The following PGR variants were observed in gnomAD, a reference collection of about 807,000 sequenced individuals.
PGR encodes the protein progesterone receptor, also known as nuclear receptor subfamily 3 group C member 3.
In PGR, 25 loss-of-function variants were observed where a neutral mutation model predicts 76.1. The observed-to-expected ratio is 0.33, with a 90% CI of 0.24 to 0.46. PGR has a LOEUF of 0.46. PGR is among the 20% of genes least tolerant of loss of function. PGR has a pLI of 1.00. For synonymous variants in PGR, 579 were observed against 535.0 expected (o/e 1.08, Z -1.14); for missense variants, 1,172 against 1,225.3 (o/e 0.96, Z 0.65).
At chr11:101,043,607 T>G in intron 6 of PGR, among the ~76,000 whole-genome samples, 1 of 152,210 alleles carries the variant, frequency 6.6e-6, no homozygotes, top group Non-Finnish European at 1.5e-5. Context: ...AAACACTATC[T>G]ATGGCAGCCA....
rs1044672591 is a variant in PGR at position 101,036,648 on chromosome 11, A to G, written c.*2468T>C. The G allele has an allele frequency of 5.0e-6, 1 of 199,518 alleles. No homozygotes were observed. The highest frequency in any genetic ancestry group is 2.3e-5 in the African/African-American group (1 of 43,456). The allele number at this position is 199,518 out of a possible 1,614,324, so 12.4% of individuals were successfully genotyped here. On this transcript the variant is annotated 3_prime_UTR_variant, in exon 8 of 8. Transcript: ENST00000325455. Reference sequence around the variant, plus strand: ...CATATTCTTTTTAAAAAGGTACTTTATTTTTAAAGCTTAGCCTTAAATATT... The same window carrying G: ...CATATTCTTTTTAAAAAGGTACTTTGTTTTTAAAGCTTAGCCTTAAATATT...
intron 2 of PGR, among the ~76,000 whole-genome samples, chr11:101,114,238 T>C (rs1421771699): frequency 6.6e-6 from 1 of 152,230 alleles, no homozygotes; most frequent in East Asian, 1.9e-4. Context: ...ATTACCAGAC[T>C]GCATTTCTGC....
intron 2 of PGR, among the ~76,000 whole-genome samples, chr11:101,106,558 G>C (rs1413826905): frequency 6.6e-6 from 1 of 152,176 alleles, no homozygotes; most frequent in Non-Finnish European, 1.5e-5. Flanking sequence ...TAAAAAGTCA[G>C]GAAACAACAG....
rs932079669 is a variant in PGR, at chr11:101,034,165, T to A, written c.*4951A>T. 8.8e-6 allele frequency: 2 copies of A among 226,726 alleles called. No individual in the cohort carries two copies. The highest frequency in any genetic ancestry group is 4.4e-5 in the African/African-American group (2 of 44,972). 14.0% of individuals were successfully genotyped at this position (226,726 alleles called of 1,614,324 possible). A position where few individuals can be genotyped will look rare whatever the true frequency, so the allele number is the denominator to read the frequency against. On this transcript the variant is annotated 3_prime_UTR_variant, in exon 8 of 8. Coordinates refer to ENST00000325455, the MANE Select transcript of PGR (RefSeq NM_000926.4). ...GCTTAAAAATAATGCCTCTCCCATG[T>A]CTCCATGAGTGGAAAAAAAGCAAAC... is the stretch of plus-strand genomic sequence containing the variant.
At chr11:101,112,601 G>A (rs1212232084) in intron 2 of PGR, among the ~76,000 whole-genome samples, 1 of 152,166 alleles carries the variant, frequency 6.6e-6, no homozygotes, top group East Asian at 1.9e-4. Flanking sequence ...GTGCTGGCAG[G>A]CTGAGAAGAG....
chr11:101,033,729 AG>A lies in PGR; in HGVS notation c.*5386del, dbSNP rs1859423267. 1 of 205,330 alleles carries A rather than the reference AG, an allele frequency of 4.9e-6. No homozygotes were observed. Among genetic ancestry groups the A allele is most frequent in the Non-Finnish European group, 1.0e-5 (1 of 100,500 alleles). 12.7% of individuals were successfully genotyped at this position (205,330 alleles called of 1,614,324 possible). A position where few individuals can be genotyped will look rare whatever the true frequency, so the allele number is the denominator to read the frequency against. ...ATAAAAGGTATTTTTAGTGGCAAAA[AG>A]CTTGAAACCACTGCTGTCTAAAATA... is the stretch of plus-strand genomic sequence containing the variant. On this transcript the variant is annotated 3_prime_UTR_variant, in exon 8 of 8. Transcript: ENST00000325455.
chr11:101,128,712 G>A lies in PGR; in HGVS notation c.359C>T (p.Ala120Val), dbSNP rs11571144. 846 of 1,609,332 alleles carry A rather than the reference G, an allele frequency of 5.3e-4. 12 individuals are homozygous for A. In the African/African-American group the frequency reaches 0.01, roughly 19 times the overall value. Residue 120 changes from alanine to valine, a missense_variant, in exon 1 of 8, where the codon GCG becomes GTG. Around this residue, in one of 4 missense-constraint regions of PGR, gnomAD observed 893 missense variants for 785.9 expected, o/e 1.14. Coordinates refer to ENST00000325455, the MANE Select transcript of PGR (RefSeq NM_000926.4). ...LLDSVLDTLL[A>V]PSGPGQSQPS... Reference sequence around the variant, plus strand: ...TTGGCTCTGCCCGGGACCTGAGGGCGCCAACAGAGTGTCCAAGACACTGTC... The same window carrying A: ...TTGGCTCTGCCCGGGACCTGAGGGCACCAACAGAGTGTCCAAGACACTGTC...
chr11:101,083,897 G>T (rs566853612), intron 3 of PGR, among the ~76,000 whole-genome samples: 5 of 152,148 alleles, frequency 3.3e-5, no homozygotes, highest in Non-Finnish European at 5.9e-5. Context: ...GACTTTGGGG[G>T]ACTGTTGGGA....
At position 101,127,472 on chromosome 11, in the gene PGR, G is replaced by A. The variant is rs760525359; in HGVS notation, c.1599C>T (p.Gly533=). ...LGYQAAVLKE[G]LPQVYPPYLN... ...GATAGGGCGGGTAGACCTGCGGCAG[G>A]CCCTCCTTGAGCACGGCGGCCTGGT... Residue 533 remains glycine, a synonymous_variant, in exon 1 of 8, where the codon GGC becomes GGT. Coordinates refer to ENST00000325455, the MANE Select transcript of PGR (RefSeq NM_000926.4). 1 of 1,560,288 alleles carries A rather than the reference G, an allele frequency of 6.4e-7. No homozygotes were observed. Among genetic ancestry groups the A allele is most frequent in the East Asian group, 2.5e-5 (1 of 39,864 alleles).
chr11:101,074,979 A>G (rs1416429274), intron 3 of PGR, among the ~76,000 whole-genome samples: 2 of 152,198 alleles, frequency 1.3e-5, no homozygotes, highest in African/African-American at 4.8e-5. Flanking sequence ...ACTACTTTAA[A>G]TTTCCTATGG....
intron 2 of PGR, among the ~76,000 whole-genome samples, chr11:101,097,751 C>A (rs945255089): frequency 1.3e-5 from 2 of 149,916 alleles, no homozygotes; most frequent in Non-Finnish European, 3.0e-5. Flanking sequence ...AATGTGAAGT[C>A]TAACAAGATT....
intron 6 of PGR, among the ~76,000 whole-genome samples, chr11:101,048,773 A>G (rs993116951): frequency 2.6e-5 from 4 of 152,182 alleles, no homozygotes; most frequent in Non-Finnish European, 5.9e-5. Flanking sequence ...CACTACATTT[A>G]TAAAAATATT....
At chr11:101,100,550 C>G (rs563561629) in intron 2 of PGR, among the ~76,000 whole-genome samples, 1 of 151,680 alleles carries the variant, frequency 6.6e-6, no homozygotes, top group South Asian at 2.1e-4. Flanking sequence ...AAGAACTAGT[C>G]TACAAAGCAG....
chr11:101,127,197 G>T (rs1260666830), intron 1 of PGR: 2 of 359,630 alleles, frequency 5.6e-6, no homozygotes, highest in Non-Finnish European at 9.9e-6. Context: ...AGCTTTCAGG[G>T]AGGCACGCCC....
intron 6 of PGR, among the ~76,000 whole-genome samples, chr11:101,048,824 CT>C (rs1859983742): frequency 1.3e-5 from 2 of 152,138 alleles, no homozygotes; most frequent in South Asian, 2.1e-4. Context: ...CTTACCGTAA[CT>C]TTTTTACTTT....
At chr11:101,109,817 T>A (rs985846210) in intron 2 of PGR, among the ~76,000 whole-genome samples, 6 of 152,222 alleles carry the variant, frequency 3.9e-5, no homozygotes, top group African/African-American at 1.4e-4. Flanking sequence ...CTTTCAGAGC[T>A]AGATAGGAGA....
At chr11:101,047,681 A>AGGT (rs1859938434) in intron 6 of PGR, among the ~76,000 whole-genome samples, 1 of 152,120 alleles carries the variant, frequency 6.6e-6, no homozygotes, top group Non-Finnish European at 1.5e-5. Flanking sequence ...CCTCGGCCTG[A>AGGT]GGTCTTAGCT....
intron 3 of PGR, among the ~76,000 whole-genome samples, chr11:101,078,489 A>G (rs1278961065): frequency 1.3e-5 from 2 of 152,194 alleles, no homozygotes; most frequent in Admixed American, 1.3e-4. Context: ...TTAAACAAAA[A>G]TGTTTTCTAG....
At chr11:101,084,790 C>A (rs1861435585) in intron 3 of PGR, among the ~76,000 whole-genome samples, 1 of 152,092 alleles carries the variant, frequency 6.6e-6, no homozygotes, top group African/African-American at 2.4e-5. Context: ...AAAGATGTAG[C>A]ATGCAAACAG....
Sources: gnomAD v4.1 joint callset for allele counts (sites outside exome capture counted in the v4.1 genomes callset) on GRCh38, gnomAD v4.1.1 for gene constraint, gnomAD v4.1.1 regional missense constraint, MANE v1.5 for transcripts, NCBI Gene and HGNC (gene_info 2026-07-23, HGNC 2026-07-21) for gene names.